The following IQCJ variants were observed in gnomAD, a reference collection of about 807,000 sequenced individuals.
IQCJ encodes the protein IQ domain-containing protein J.
IQCJ carries 9 observed loss-of-function variants against 11.0 expected under a neutral mutation model. The observed-to-expected ratio is 0.82, with a 90% CI of 0.49 to 1.43. The LOEUF is 1.43. Ranked by LOEUF, IQCJ falls within the 40% of genes most tolerant of loss-of-function variation. IQCJ has a pLI of 0.00. For synonymous variants in IQCJ, 55 were observed against 51.3 expected (o/e 1.07, Z -0.31); for missense variants, 146 against 133.2 (o/e 1.10, Z -0.47).
At chr3:159,200,047 T>TATATATATATATATATATATATATAA (rs946263011) in intron 1 of IQCJ, among the ~76,000 whole-genome samples, 1 of 139,906 alleles carries the variant, frequency 7.1e-6, no homozygotes, top group Admixed American at 7.2e-5. Context: ...TATATATATA[T>TATATATATATATATATATATATATAA]AAATCTAAAT....
chr3:159,112,078 A>T (rs1577015333), intron 1 of IQCJ, among the ~76,000 whole-genome samples: 1 of 152,108 alleles, frequency 6.6e-6, no homozygotes, highest in Non-Finnish European at 1.5e-5. Context: ...AGCCTCTTGT[A>T]TGGCACACTG....
chr3:159,103,997 T>C (rs973924823), intron 1 of IQCJ, among the ~76,000 whole-genome samples: 10 of 152,248 alleles, frequency 6.6e-5, no homozygotes, highest in African/African-American at 2.4e-4. Flanking sequence ...GAGAGAGCCT[T>C]CATCCAGTCT....
At chr3:159,072,965 G>A (rs1470274594) in intron 1 of IQCJ, among the ~76,000 whole-genome samples, 2 of 152,042 alleles carry the variant, frequency 1.3e-5, no homozygotes, top group Non-Finnish European at 2.9e-5. Context: ...TAGGTTCTCT[G>A]GGAAGAGATT....
In IQCJ at chr3:159,218,695, C is replaced by T. The variant is rs185775771; in HGVS notation, c.10-27148C>T. 2.6e-5 allele frequency among the ~76,000 whole-genome samples: 4 copies of T among 152,196 alleles called. No homozygotes were observed. The East Asian group carries it at 5.8e-4, about 22-fold the overall frequency. ...AATATAAAGCAGGAAGAATTTTCTA[C>T]TTCAGATTTCATTTGGGGGCTGTTT... On this transcript the variant is annotated intron_variant, in intron 1 of 3. Transcript: ENST00000397832.
chr3:159,256,629 C>T (rs183537990), intron 3 of IQCJ, among the ~76,000 whole-genome samples: 21 of 152,290 alleles, frequency 1.4e-4, no homozygotes, highest in Non-Finnish European at 2.5e-4. Context: ...CTCTGTAAAA[C>T]GAGAATGCTA....
intron 1 of IQCJ, among the ~76,000 whole-genome samples, chr3:159,234,927 A>G (rs1200604581): frequency 1.4e-4 from 21 of 152,232 alleles, no homozygotes; most frequent in Admixed American, 1.4e-3. Flanking sequence ...TTGCTACACT[A>G]CAACAAAATG....
chr3:159,201,652 T>TTTTTA (rs1724350718), intron 1 of IQCJ, among the ~76,000 whole-genome samples: 1 of 146,206 alleles, frequency 6.8e-6, no homozygotes, highest in African/African-American at 2.6e-5. Flanking sequence ...TTTTTTTTTT[T>TTTTTA]GAGACGGAGT....
intron 1 of IQCJ, among the ~76,000 whole-genome samples, chr3:159,084,726 A>T (rs1282089871): frequency 6.6e-6 from 1 of 152,078 alleles, no homozygotes. Flanking sequence ...ACTGAATAAA[A>T]GCACAGGAAT....
intron 1 of IQCJ, among the ~76,000 whole-genome samples, chr3:159,082,820 G>C (rs368709790): frequency 6.6e-6 from 1 of 152,116 alleles, no homozygotes; most frequent in Non-Finnish European, 1.5e-5. Context: ...TTAGATGGGG[G>C]AGGACATGAA....
At position 159,104,254 on chromosome 3, in the gene IQCJ, C is replaced by A. The variant is rs548757406; in HGVS notation, c.9+34813C>A. Among the ~76,000 whole-genome samples, 7 of 152,334 alleles carry A rather than the reference C, an allele frequency of 4.6e-5. No homozygotes were observed. In the South Asian group the frequency reaches 1.2e-3, roughly 27 times the overall value. On this transcript the variant is annotated intron_variant, in intron 1 of 3. Transcript: ENST00000397832. ...GGACCTGGATTTAGAAGTGAGCTAA[C>A]CCACTCCTTAGTTCTTTGTACACTT... is the stretch of plus-strand genomic sequence containing the variant.
intron 1 of IQCJ, among the ~76,000 whole-genome samples, chr3:159,144,661 GACAC>G (rs10561081): frequency 0.42 from 63,498 of 150,020 alleles, 15,044 homozygotes; most frequent in Admixed American, 0.54. Flanking sequence ...TACACACACA[GACAC>G]ACACACACAC....
At chr3:159,235,173 A>G (rs985086501) in intron 1 of IQCJ, among the ~76,000 whole-genome samples, 8 of 152,216 alleles carry the variant, frequency 5.3e-5, no homozygotes, top group African/African-American at 1.9e-4. Context: ...AGGCAGAAAT[A>G]CATGAAATGT....
In IQCJ at chr3:159,092,022, CA is replaced by C. The variant is rs1717348452; in HGVS notation, c.9+22584del. Among the ~76,000 whole-genome samples the C allele has an allele frequency of 2.6e-5, 4 of 151,864 alleles. No homozygotes were observed. In the South Asian group the frequency reaches 8.3e-4, roughly 32 times the overall value. ...GGGATTCAGAATATTCTCATACTCT[CA>C]AAGTCTCACCCCTCAGATGACTTAA... On this transcript the variant is annotated intron_variant, in intron 1 of 3. Coordinates refer to ENST00000397832, the MANE Select transcript of IQCJ (RefSeq NM_001042706.3).
At chr3:159,092,347 C>T (rs1717373416) in intron 1 of IQCJ, among the ~76,000 whole-genome samples, 2 of 151,792 alleles carry the variant, frequency 1.3e-5, no homozygotes, top group Admixed American at 6.6e-5. Flanking sequence ...CATCCAAATG[C>T]ACTATGTGGA....
chr3:159,170,711 T>C (rs1384021464), intron 1 of IQCJ, among the ~76,000 whole-genome samples: 1 of 151,740 alleles, frequency 6.6e-6, no homozygotes, highest in Non-Finnish European at 1.5e-5. Context: ...TTAGCTGGGG[T>C]AATGTGCTAT....
intron 1 of IQCJ, among the ~76,000 whole-genome samples, chr3:159,145,456 A>G (rs1195646810): frequency 1.3e-5 from 2 of 152,228 alleles, no homozygotes; most frequent in Admixed American, 6.5e-5. Context: ...TAACTGTATC[A>G]TAAGTAGCCT....
At chr3:159,077,293 T>TA (rs1259720101) in intron 1 of IQCJ, among the ~76,000 whole-genome samples, 2 of 152,122 alleles carry the variant, frequency 1.3e-5, no homozygotes, top group Non-Finnish European at 2.9e-5. Context: ...AATTTGCATT[T>TA]AAAAAATCTA....
At chr3:159,232,875 A>G (rs1726346483) in intron 1 of IQCJ, among the ~76,000 whole-genome samples, 1 of 152,106 alleles carries the variant, frequency 6.6e-6, no homozygotes, top group Non-Finnish European at 1.5e-5. Flanking sequence ...GAGGACTTTA[A>G]ATGAAAACTT....
chr3:159,209,065 C>G (rs940204751), intron 1 of IQCJ, among the ~76,000 whole-genome samples: 1 of 152,180 alleles, frequency 6.6e-6, no homozygotes, highest in Non-Finnish European at 1.5e-5. Context: ...AAATTCACAT[C>G]CCTGTTTTCC....
Sources: gnomAD v4.1 joint callset for allele counts (sites outside exome capture counted in the v4.1 genomes callset) on GRCh38, gnomAD v4.1.1 for gene constraint, MANE v1.5 for transcripts, NCBI Gene and HGNC (gene_info 2026-07-23, HGNC 2026-07-21) for gene names.